Variants in KLF5 observed in about 807,000 individuals in gnomAD.
KLF5 encodes the protein KLF transcription factor 5, also known as Krueppel-like factor 5.
In KLF5, 9 loss-of-function variants were observed where a neutral mutation model predicts 36.9. That is an observed-to-expected ratio of 0.24 (90% confidence interval 0.15 to 0.43). The LOEUF is 0.43. KLF5 is among the 20% of genes least tolerant of loss of function. The probability of loss-of-function intolerance (pLI) is 1.00; values close to 1 mark genes in which losing one functional copy is unlikely to be tolerated. For missense variants in KLF5, 524 were observed against 599.5 expected, an observed-to-expected ratio of 0.87 and a Z score of 1.31; for synonymous variants, 246 against 241.7, an observed-to-expected ratio of 1.02 and a Z score of -0.17.
intron 1 of KLF5, 115 bp downstream of exon 1, chr13:73,059,703 C>A: frequency 1.1e-6 from 1 of 936,834 alleles, no homozygotes; most frequent in Non-Finnish European, 1.3e-6. Flanking sequence ...CGGGGCGCAC[C>A]GGAGCCGGTG....
At chr13:73,061,430 C>T (rs566861791) in intron 1 of KLF5, among the ~76,000 whole-genome samples, 1 of 152,014 alleles carries the variant, frequency 6.6e-6, no homozygotes, top group African/African-American at 2.4e-5. Flanking sequence ...AAAAAAACCA[C>T]GCTTTTTAAT....
At chr13:73,072,951 T>G (rs1047336144) in intron 3 of KLF5, among the ~76,000 whole-genome samples, 2 of 152,354 alleles carry the variant, frequency 1.3e-5, no homozygotes, top group South Asian at 2.1e-4. Flanking sequence ...TACAAACTTG[T>G]CACTTTTTTC....
chr13:73,064,201 AAAAC>A (rs1421860299), intron 3 of KLF5, among the ~76,000 whole-genome samples: 1 of 151,618 alleles, frequency 6.6e-6, no homozygotes, highest in Non-Finnish European at 1.5e-5. Flanking sequence ...TGAAGGAAAA[AAAAC>A]AAAACAAAAC....
chr13:73,068,855 G>A (rs1189445438), intron 3 of KLF5, among the ~76,000 whole-genome samples: 2 of 152,036 alleles, frequency 1.3e-5, no homozygotes, highest in African/African-American at 2.4e-5. Context: ...CAGCTCTTTG[G>A]GAGGCGGAGG....
chr13:73,066,195 A>C (rs1460672955), intron 3 of KLF5, among the ~76,000 whole-genome samples: 2 of 152,092 alleles, frequency 1.3e-5, no homozygotes, highest in African/African-American at 2.4e-5. Context: ...TAGAGCATTG[A>C]GGTTGTTTTC....
At chr13:73,065,618 C>T (rs2044673230) in intron 3 of KLF5, among the ~76,000 whole-genome samples, 1 of 152,058 alleles carries the variant, frequency 6.6e-6, no homozygotes, top group African/African-American at 2.4e-5. Flanking sequence ...TTAAAGTTTT[C>T]AAAATACAAA....
intron 3 of KLF5, among the ~76,000 whole-genome samples, chr13:73,074,843 T>G (rs2044748366): frequency 6.6e-6 from 1 of 152,218 alleles, no homozygotes; most frequent in Non-Finnish European, 1.5e-5. Flanking sequence ...ACTGTTTTTA[T>G]TTTGTTAGCC....
intron 3 of KLF5, among the ~76,000 whole-genome samples, chr13:73,064,567 T>G (rs1417928158): frequency 2.0e-5 from 3 of 152,136 alleles, no homozygotes; most frequent in Non-Finnish European, 4.4e-5. Context: ...TTTTTTGAGA[T>G]GGAGTCTTGC....
At chr13:73,073,448 C>A (rs2044736495) in intron 3 of KLF5, among the ~76,000 whole-genome samples, 1 of 152,134 alleles carries the variant, frequency 6.6e-6, no homozygotes, top group Admixed American at 6.5e-5. Context: ...GTATTTCAAG[C>A]AATCAGTAAA....
intron 1 of KLF5, 43 bp downstream of exon 1, chr13:73,059,631 C>T (rs1386463677): frequency 3.5e-6 from 4 of 1,133,566 alleles, no homozygotes; most frequent in Admixed American, 4.8e-5. Context: ...CTCCCGGGCT[C>T]GGGCGTGTCC....
intron 3 of KLF5, among the ~76,000 whole-genome samples, chr13:73,072,207 T>G (rs1282299005): frequency 6.6e-6 from 1 of 150,442 alleles, no homozygotes; most frequent in Admixed American, 6.6e-5. Context: ...TGTGATAGGT[T>G]CAGAAGTCAT....
At chr13:73,071,996 T>C (rs2044725549) in intron 3 of KLF5, among the ~76,000 whole-genome samples, 1 of 152,238 alleles carries the variant, frequency 6.6e-6, no homozygotes, top group Non-Finnish European at 1.5e-5. Flanking sequence ...GAGTTGTCTT[T>C]TAGTCACCAG....
chr13:73,073,708 ATGTT>A (rs1485915256), intron 3 of KLF5, among the ~76,000 whole-genome samples: 3 of 152,162 alleles, frequency 2.0e-5, no homozygotes, highest in Non-Finnish European at 4.4e-5. Context: ...TTTAACCAAT[ATGTT>A]TGTTTCTGTG....
At chr13:73,060,005 G>T (rs144518442) in intron 1 of KLF5, among the ~76,000 whole-genome samples, 2 of 151,562 alleles carry the variant, frequency 1.3e-5, no homozygotes, top group Non-Finnish European at 2.9e-5. Flanking sequence ...CCATCGTCTC[G>T]GGTTAAGTAG....
Position 73,059,301 on chromosome 13 carries a change from C to T in KLF5, c.-27C>T, listed in dbSNP as rs2044610323. 1.0e-5 allele frequency: 14 copies of T among 1,345,440 alleles called. No homozygotes were observed. The highest frequency in any genetic ancestry group is 1.5e-5 in the African/African-American group (1 of 65,694). 83.3% of individuals were successfully genotyped at this position (1,345,440 alleles called of 1,614,324 possible). On this transcript the variant is annotated 5_prime_UTR_variant, in exon 1 of 4. Transcript: ENST00000377687. ...CGAGGTGGGAAGTGCGCCCGACCCG[C>T]GCCTGGAGCTGCGCCCCCGAGTGCC...
At chr13:73,065,221 T>A (rs968417410) in intron 3 of KLF5, among the ~76,000 whole-genome samples, 1 of 152,222 alleles carries the variant, frequency 6.6e-6, no homozygotes, top group Non-Finnish European at 1.5e-5. Context: ...AAATTGAGTT[T>A]TGATAAATGA....
intron 1 of KLF5, 125 bp downstream of exon 1, chr13:73,059,713 G>C: frequency 1.1e-6 from 1 of 950,044 alleles, no homozygotes. Flanking sequence ...CGGAGCCGGT[G>C]CTGGGTGGGC....
chr13:73,059,792 G>T, intron 1 of KLF5: 1 of 720,486 alleles, frequency 1.4e-6, no homozygotes, highest in Non-Finnish European at 1.7e-6. Flanking sequence ...GGGGCCGGGG[G>T]TGGGAAGGAT....
chr13:73,065,931 G>A (rs1331618638), intron 3 of KLF5, among the ~76,000 whole-genome samples: 2 of 152,150 alleles, frequency 1.3e-5, no homozygotes, highest in Admixed American at 6.5e-5. Flanking sequence ...TGACCTGCCG[G>A]CAAATACATT....
Sources: allele counts gnomAD v4.1 joint callset (sites outside exome capture counted in the v4.1 genomes callset), GRCh38; gene constraint gnomAD v4.1.1; transcripts MANE v1.5; gene names NCBI Gene and HGNC (gene_info 2026-07-23, HGNC 2026-07-21).